RESF1: variants seen among roughly 807,000 people sequenced by gnomAD.
RESF1 encodes retroelement silencing factor 1.
A neutral mutation model predicts 134.7 loss-of-function variants in RESF1; 65 were observed. That is an observed-to-expected ratio of 0.48 (90% CI 0.40 to 0.59). The LOEUF is 0.59. RESF1 is among the 20% of genes least tolerant of loss of function. The pLI, the probability that RESF1 is intolerant of heterozygous loss-of-function variation, is 0.00. For missense variants in RESF1, 2,274 were observed against 2,002.7 expected (o/e 1.14, Z -2.59); for synonymous variants, 762 against 702.2 (o/e 1.09, Z -1.35).
At chr12:31,974,220 AT>A (rs1939578966) in intron 3 of RESF1, among the ~76,000 whole-genome samples, 1 of 151,682 alleles carries the variant, frequency 6.6e-6, no homozygotes. Flanking sequence ...TACTCAGGAG[AT>A]TACAAAGGTC....
At chr12:31,966,057 C>T (rs914670458) in intron 2 of RESF1, among the ~76,000 whole-genome samples, 1 of 152,084 alleles carries the variant, frequency 6.6e-6, no homozygotes, top group Admixed American at 6.5e-5. Flanking sequence ...CTCTAGTACA[C>T]GGTGTGTCCA....
chr12:31,990,966 C>T (rs946188430), intron 5 of RESF1, among the ~76,000 whole-genome samples: 5 of 152,056 alleles, frequency 3.3e-5, no homozygotes, highest in African/African-American at 1.2e-4. Context: ...AGGTCAAGGC[C>T]GGAGGATGGC....
chr12:31,981,695 G>C lies in RESF1; in HGVS notation c.740G>C (p.Ser247Thr). 3.7e-6 allele frequency: 6 copies of C among 1,613,696 alleles called. No homozygotes were observed. The highest frequency in any genetic ancestry group is 5.1e-6 in the Non-Finnish European group (6 of 1,179,998). ...CATACATCATTGCAAGTTAAAAATA[G>C]TCAGCTTCTAAATTCTGTATTAACT... ...IPHTSLQVKN[S>T]QLLNSVLTLP... Residue 247 changes from serine to threonine, a missense_variant, in exon 4 of 6, where the codon AGT (serine) becomes ACT (threonine). Coordinates refer to ENST00000312561, the MANE Select transcript of RESF1 (RefSeq NM_018169.4).
At chr12:31,987,087 A>AT (rs1344852905) in intron 4 of RESF1, 152 bp from the exon 5 acceptor site, 25 of 560,702 alleles carry the variant, frequency 4.5e-5, no homozygotes, top group Middle Eastern at 4.9e-4. Context: ...AATAGAAATC[A>AT]TTTTTCCAGT....
Position 31,982,348 on chromosome 12 carries a change from G to T in RESF1, c.1393G>T (p.Ala465Ser), listed in dbSNP as rs767531786. The stretch of plus-strand genomic sequence containing the variant: ...GATAACTCCAGTAATGCCAGAGAAT[G>T]CAGAGAGACAAACACCAACAGTAGT... ...PQITPVMPEN[A>S]ERQTPTVVES... The change falls in exon 4 of 6, where the codon GCA becomes TCA. Residue 465 changes from alanine (A) to serine (S), a missense_variant. Coordinates refer to ENST00000312561, the MANE Select transcript of RESF1 (RefSeq NM_018169.4). 2 of 1,614,140 alleles carry T rather than the reference G, an allele frequency of 1.2e-6. No individual in the cohort carries two copies. Among genetic ancestry groups the T allele is most frequent in the Non-Finnish European group, 1.7e-6 (2 of 1,180,026 alleles).
chr12:31,981,538 G>A lies in RESF1; in HGVS notation c.583G>A (p.Val195Ile). 6.2e-7 allele frequency: 1 copy of A among 1,614,070 alleles called. No individual in the cohort carries two copies. Residue 195 changes from valine (V) to isoleucine (I), a missense_variant, in exon 4 of 6, where the codon GTT becomes ATT. Val to Ile is a conservative substitution (Grantham distance 29, BLOSUM62 3). Transcript: ENST00000312561. ...TAACCAGTCTTTTTCAGAGCAACAGGTTGATTGGACACAACAGTGTATATC... is the reference window on the plus strand; with the variant it reads ...TAACCAGTCTTTTTCAGAGCAACAGATTGATTGGACACAACAGTGTATATC... ...GLNQSFSEQQVDWTQQCISKG... is the reference protein window; with the variant it reads ...GLNQSFSEQQIDWTQQCISKG...
intron 2 of RESF1, among the ~76,000 whole-genome samples, chr12:31,967,291 G>C (rs1939418162): frequency 1.3e-5 from 2 of 152,206 alleles, no homozygotes; most frequent in Admixed American, 1.3e-4. Context: ...TCTAACCACT[G>C]TGCTGCAAGA....
In RESF1 at chr12:31,985,213, G is replaced by T; in HGVS notation, c.4258G>T (p.Val1420Phe). Residue 1420 changes from valine (V) to phenylalanine (F), a missense_variant, in exon 4 of 6, where the codon GTT (valine) becomes TTT (phenylalanine). Physicochemically the swap from Val to Phe is conservative, Grantham distance 50. Transcript: ENST00000312561. ...GTCAAACCCAAACGAAAGAGCCATT[G>T]TTAAAGAAAAGATGGTATCAAATAC... ...SLSNPNERAI[V>F]KEKMVSNTKS... 6.3e-7 allele frequency: 1 copy of T among 1,585,018 alleles called. No homozygotes were observed. Among genetic ancestry groups the T allele is most frequent in the Non-Finnish European group, 8.5e-7 (1 of 1,171,994 alleles).
chr12:31,982,246 A>C lies in RESF1; in HGVS notation c.1291A>C (p.Asn431His). Residue 431 changes from asparagine to histidine, a missense_variant, in exon 4 of 6, where the codon AAT becomes CAT. Asn to His is a moderately conservative substitution (Grantham distance 68, BLOSUM62 1). Coordinates refer to ENST00000312561, the MANE Select transcript of RESF1 (RefSeq NM_018169.4). Reference sequence around the variant, plus strand: ...GGCAGCAGGTTGTATTAAAATGACTAATACTTCTTATAGTGAACCAGCTCA... The same window carrying C: ...GGCAGCAGGTTGTATTAAAATGACTCATACTTCTTATAGTGAACCAGCTCA... ...LMAAGCIKMT[N>H]TSYSEPAQNS... The C allele has an allele frequency of 6.2e-7, 1 of 1,613,916 alleles. No homozygotes were observed. The highest frequency in any genetic ancestry group is 8.5e-7 in the Non-Finnish European group (1 of 1,179,958).
rs528182469 is a variant in RESF1 at position 31,992,412 on chromosome 12, C to T, written c.5121C>T (p.Phe1707=). The change falls in exon 6 of 6, where the codon TTC becomes TTT. Residue 1707 remains phenylalanine, a synonymous_variant. Coordinates refer to ENST00000312561, the MANE Select transcript of RESF1 (RefSeq NM_018169.4). The part of the protein sequence containing the change: ...NVNSRLSKRS[F]SADGFEMLQN... ...ATTCAAGACTCTCGAAGAGAAGCTTCAGTGCAGATGGATTTGAGATGCTAC... is the reference window on the plus strand; with the variant it reads ...ATTCAAGACTCTCGAAGAGAAGCTTTAGTGCAGATGGATTTGAGATGCTAC... The T allele has an allele frequency of 6.2e-7, 1 of 1,613,350 alleles. No individual in the cohort carries two copies. Among genetic ancestry groups the T allele is most frequent in the African/African-American group, 1.3e-5 (1 of 74,962 alleles).
rs1258176813 is a variant in RESF1 at position 31,992,317 on chromosome 12, T to C, written c.5087-61T>C. Reference sequence around the variant, plus strand: ...TATATATTTTCCCTCTGAATTTTGATTATATATTGATCACAGCTAACATTG... The same window carrying C: ...TATATATTTTCCCTCTGAATTTTGACTATATATTGATCACAGCTAACATTG... On this transcript the variant is annotated intron_variant, in intron 5 of 5. Coordinates refer to ENST00000312561, the MANE Select transcript of RESF1 (RefSeq NM_018169.4). 8 of 1,387,068 alleles carry C rather than the reference T, an allele frequency of 5.8e-6. No homozygotes were observed. The East Asian group carries it at 1.4e-4, about 24-fold the overall frequency. 85.9% of individuals were successfully genotyped at this position (1,387,068 alleles called of 1,614,324 possible). A position where few individuals can be genotyped will look rare whatever the true frequency, so the allele number is the denominator to read the frequency against.
rs550413283 is a variant in RESF1 at position 31,984,091 on chromosome 12, G to A, written c.3136G>A (p.Ala1046Thr). The part of the protein sequence containing the change: ...PARNEIHSDK[A>T]PVLYLHDQLS... ...AAGAAATGAAATCCACAGTGATAAG[G>A]CACCTGTCTTATACCTACATGACCA... The change falls in exon 4 of 6, where the codon GCA becomes ACA. Residue 1046 changes from alanine (A) to threonine (T), a missense_variant. Transcript: ENST00000312561. 10 of 1,613,864 alleles carry A rather than the reference G, an allele frequency of 6.2e-6. No homozygotes were observed. Among genetic ancestry groups the A allele is most frequent in the Non-Finnish European group, 8.5e-6 (10 of 1,179,984 alleles).
At chr12:31,963,734 G>A (rs377446396) in intron 2 of RESF1, among the ~76,000 whole-genome samples, 12 of 152,134 alleles carry the variant, frequency 7.9e-5, no homozygotes, top group African/African-American at 1.2e-4. Flanking sequence ...TTTCTCCAAC[G>A]CACCTTTCCC....
chr12:31,978,386 TA>T (rs1480488935), intron 3 of RESF1, among the ~76,000 whole-genome samples: 1 of 151,366 alleles, frequency 6.6e-6, no homozygotes, highest in African/African-American at 2.4e-5. Context: ...ATACTCCTAA[TA>T]TTTTTTTCTT....
rs1165687358 is a variant in RESF1, at chr12:31,983,650, G to A, written c.2695G>A (p.Val899Ile). The A allele has an allele frequency of 5.0e-6, 8 of 1,613,916 alleles. No homozygotes were observed. The highest frequency in any genetic ancestry group is 6.8e-6 in the Non-Finnish European group (8 of 1,180,002). The change falls in exon 4 of 6, where the codon GTT becomes ATT. Residue 899 changes from valine (V) to isoleucine (I), a missense_variant. Transcript: ENST00000312561. ...TLQIDNICSL[V>I]EGDTSYNSQI... is the part of the protein sequence containing the mutation. ...ACAGATTGACAATATTTGTTCTCTG[G>A]TTGAAGGTGATACCTCTTACAATTC...
rs12369534 is a variant in RESF1, at chr12:31,982,789, G to T, written c.1834G>T (p.Asp612Tyr). 6.2e-6 allele frequency: 10 copies of T among 1,613,952 alleles called. No individual in the cohort carries two copies. Among genetic ancestry groups the T allele is most frequent in the Non-Finnish European group, 8.5e-6 (10 of 1,180,002 alleles). The change falls in exon 4 of 6, where the codon GAC becomes TAC. Residue 612 changes from aspartate (D) to tyrosine (Y), a missense_variant. Transcript: ENST00000312561. Reference protein sequence around the residue: ...ANQTIQDSKPDSCEMNPNTQM... With the variant: ...ANQTIQDSKPYSCEMNPNTQM... ...TCAAACTATTCAGGATTCTAAACCA[G>T]ACAGTTGTGAAATGAATCCAAATAC...
At chr12:31,978,575 C>A (rs1323085601) in intron 3 of RESF1, among the ~76,000 whole-genome samples, 1 of 151,548 alleles carries the variant, frequency 6.6e-6, no homozygotes, top group African/African-American at 2.4e-5. Flanking sequence ...GAGACGGGCT[C>A]TCGCTCTGTC....
Position 31,981,991 on chromosome 12 carries a change from A to G in RESF1, c.1036A>G (p.Ser346Gly). The change falls in exon 4 of 6, where the codon AGC becomes GGC. Residue 346 changes from serine (S) to glycine (G), a missense_variant. Coordinates refer to ENST00000312561, the MANE Select transcript of RESF1 (RefSeq NM_018169.4). Reference sequence around the variant, plus strand: ...CACTAACTTGAAAGTAAATACCAACAGCAAACAGCCTTTTAACAGTCCCAT... The same window carrying G: ...CACTAACTTGAAAGTAAATACCAACGGCAAACAGCCTTTTAACAGTCCCAT... ...NFTNLKVNTN[S>G]KQPFNSPIRS... 1 of 1,614,194 alleles carries G rather than the reference A, an allele frequency of 6.2e-7. No individual in the cohort carries two copies. Among genetic ancestry groups the G allele is most frequent in the Non-Finnish European group, 8.5e-7 (1 of 1,180,016 alleles).
intron 2 of RESF1, chr12:31,962,689 A>G (rs941298537): frequency 2.6e-5 from 4 of 152,264 alleles, no homozygotes; most frequent in African/African-American, 7.2e-5. Flanking sequence ...TAAAATGACA[A>G]AGTGTATTAA....
Sources: allele counts gnomAD v4.1 joint callset (sites outside exome capture counted in the v4.1 genomes callset), GRCh38; gene constraint gnomAD v4.1.1; transcripts MANE v1.5; gene names NCBI Gene and HGNC (gene_info 2026-07-23, HGNC 2026-07-21).